The following NEXMIF variants were observed in gnomAD, a reference collection of about 807,000 sequenced individuals.
NEXMIF encodes the protein neurite extension and migration factor, also known as XLMR protein related to neurite extension.
In NEXMIF, 8 loss-of-function variants were observed where a neutral mutation model predicts 62.1. The ratio of observed to expected loss-of-function variants is 0.13; its 90% CI spans 0.08 to 0.23. The LOEUF (loss-of-function observed/expected upper bound fraction) is 0.23. NEXMIF is among the 10% of genes least tolerant of loss of function. The probability of loss-of-function intolerance (pLI) is 1.00; values close to 1 mark genes in which losing one functional copy is unlikely to be tolerated. For missense variants in NEXMIF, 976 were observed against 1,113.3 expected, an observed-to-expected ratio of 0.88 and a Z score of 1.75; for synonymous variants, 404 against 416.6, an observed-to-expected ratio of 0.97 and a Z score of 0.37.
chrX:74,864,082 T>G (rs1035474812), intron 1 of NEXMIF, among the ~76,000 whole-genome samples: 1 of 112,066 alleles, frequency 8.9e-6, no homozygotes, highest in African/African-American at 3.2e-5. Flanking sequence ...TTAAAAACTC[T>G]CAATAAACTA....
intron 1 of NEXMIF, among the ~76,000 whole-genome samples, chrX:74,786,149 C>T (rs2080259690): frequency 9.0e-6 from 1 of 111,692 alleles, no homozygotes; most frequent in Non-Finnish European, 1.9e-5. Flanking sequence ...GGGCAGGCAC[C>T]TGCCAGTGTA....
intron 1 of NEXMIF, among the ~76,000 whole-genome samples, chrX:74,900,121 C>T (rs1253599585): frequency 9.0e-6 from 1 of 111,140 alleles, no homozygotes; most frequent in Non-Finnish European, 1.9e-5. Context: ...GGGAAATGTA[C>T]ATCAAAACCA....
chrX:74,862,359 A>G (rs967654280), intron 1 of NEXMIF, among the ~76,000 whole-genome samples: 3 of 111,115 alleles, frequency 2.7e-5, no homozygotes, highest in African/African-American at 9.8e-5. Context: ...AGAGACCTAC[A>G]AAGAGACTTA....
intron 1 of NEXMIF, among the ~76,000 whole-genome samples, chrX:74,824,671 C>CA (rs1293782045): frequency 1.9e-5 from 2 of 104,301 alleles, no homozygotes; most frequent in African/African-American, 3.6e-5. Context: ...TTTTTTGAGA[C>CA]AGAGTCTCAC....
chrX:74,845,722 A>T (rs1411002003), intron 1 of NEXMIF, among the ~76,000 whole-genome samples: 2 of 111,428 alleles, frequency 1.8e-5, no homozygotes, highest in Non-Finnish European at 3.8e-5. Context: ...AACACTGACA[A>T]AAGTTGAGTC....
intron 1 of NEXMIF, among the ~76,000 whole-genome samples, chrX:74,822,990 A>C (rs997276459): frequency 3.6e-5 from 4 of 112,179 alleles, no homozygotes; most frequent in Non-Finnish European, 7.5e-5. Context: ...ATAATGTAGC[A>C]TACCCATACA....
intron 1 of NEXMIF, among the ~76,000 whole-genome samples, chrX:74,882,287 T>C (rs1210813170): frequency 1.8e-5 from 2 of 111,487 alleles, no homozygotes; most frequent in Admixed American, 9.5e-5. Flanking sequence ...TGGGGAGTGC[T>C]GGACAGTTGG....
At chrX:74,753,817 G>A (rs2080151245) in intron 1 of NEXMIF, among the ~76,000 whole-genome samples, 1 of 111,274 alleles carries the variant, frequency 9.0e-6, no homozygotes. Context: ...ATAAAGGACT[G>A]GAAGTTGGAA....
chrX:74,782,826 C>T (rs961652201), intron 1 of NEXMIF, among the ~76,000 whole-genome samples: 2 of 111,789 alleles, frequency 1.8e-5, no homozygotes, highest in African/African-American at 6.5e-5. Flanking sequence ...GCTATCTGGC[C>T]TGGGTAAGGG....
chrX:74,765,590 C>T (rs781516255), intron 1 of NEXMIF, among the ~76,000 whole-genome samples: 1 of 111,287 alleles, frequency 9.0e-6, no homozygotes, highest in Non-Finnish European at 1.9e-5. Flanking sequence ...ATTTAGTGCT[C>T]CTTTCAAGAT....
chrX:74,741,090 A>C lies in NEXMIF; in HGVS notation c.3467T>G (p.Leu1156Arg), dbSNP rs2080101398. 1.7e-6 allele frequency: 2 copies of C among 1,211,562 alleles called. No homozygotes were observed. Among genetic ancestry groups the C allele is most frequent in the African/African-American group, 3.5e-5 (2 of 57,745 alleles). Reference protein sequence around the residue: ...SVSLLQKNPCLSTFNDPSGQI... With the variant: ...SVSLLQKNPCRSTFNDPSGQI... ...ACCAGATGGATCATTAAATGTTGACAGGCAAGGGTTTTTTTGGAGCAGGCT... is the reference window on the plus strand; with the variant it reads ...ACCAGATGGATCATTAAATGTTGACCGGCAAGGGTTTTTTTGGAGCAGGCT... The change falls in exon 3 of 4, where the codon CTG becomes CGG. Residue 1156 changes from leucine to arginine, a missense_variant. By Grantham distance (102) the Leu-to-Arg change is moderately radical. This residue lies in a region of NEXMIF where 639 missense variants were observed against 694.5 expected (regional missense o/e 0.92). Transcript: ENST00000055682.
chrX:74,899,393 A>G (rs1016645914), intron 1 of NEXMIF, among the ~76,000 whole-genome samples: 1 of 112,011 alleles, frequency 8.9e-6, no homozygotes, highest in African/African-American at 3.2e-5. Flanking sequence ...GCAGGACACA[A>G]AATCAACATA....
chrX:74,794,624 C>T lies in NEXMIF; in HGVS notation c.-47-48927G>A, dbSNP rs1056318895. On this transcript the variant is annotated intron_variant, in intron 1 of 3. Coordinates refer to ENST00000055682, the MANE Select transcript of NEXMIF (RefSeq NM_001008537.3). ...CTCGGACTGCTGTGCTAGCAATCAG[C>T]GAGACTCTGTGGGCATAGGACCCTC... 7.1e-5 allele frequency among the ~76,000 whole-genome samples: 8 copies of T among 112,007 alleles called. No individual in the cohort carries two copies. In the East Asian group the frequency reaches 1.1e-3, roughly 16 times the overall value.
rs762062933 is a variant in NEXMIF at position 74,737,092 on chromosome X, C to T, written c.*2313G>A. 8.9e-6 allele frequency: 1 copy of T among 112,034 alleles called. No homozygotes were observed. Among genetic ancestry groups the T allele is most frequent in the South Asian group, 3.7e-4 (1 of 2,673 alleles). The allele number at this position is 112,034 out of a possible 1,213,427, so 9.2% of individuals were successfully genotyped here. On this transcript the variant is annotated 3_prime_UTR_variant, in exon 4 of 4. Transcript: ENST00000055682. ...ATAAAAACACATTGTATTAATGGAA[C>T]ATTTTCTTTATTTTTTCATTAATTG...
At chrX:74,769,418 A>G (rs961507300) in intron 1 of NEXMIF, among the ~76,000 whole-genome samples, 1 of 111,931 alleles carries the variant, frequency 8.9e-6, no homozygotes, top group Non-Finnish European at 1.9e-5. Context: ...CATGCAATGA[A>G]CCTGCTACAG....
intron 1 of NEXMIF, among the ~76,000 whole-genome samples, chrX:74,803,281 G>A (rs1400097581): frequency 5.4e-5 from 6 of 111,919 alleles, no homozygotes; most frequent in East Asian, 2.8e-4. Context: ...ACTGTGGGCC[G>A]GGCTCACGCC....
chrX:74,873,589 T>C (rs1359027277), intron 1 of NEXMIF, among the ~76,000 whole-genome samples: 7 of 111,869 alleles, frequency 6.3e-5, no homozygotes, highest in Non-Finnish European at 1.3e-4. Context: ...ATGGTTGAAC[T>C]AGTTTACAGT....
intron 1 of NEXMIF, among the ~76,000 whole-genome samples, chrX:74,889,562 T>A (rs1391595364): frequency 5.4e-5 from 6 of 111,180 alleles, no homozygotes; most frequent in Non-Finnish European, 9.4e-5. Flanking sequence ...GTCACTAAGG[T>A]GGTTTCTAAG....
chrX:74,852,774 C>A (rs1025679381), intron 1 of NEXMIF, among the ~76,000 whole-genome samples: 3 of 110,659 alleles, frequency 2.7e-5, no homozygotes, highest in African/African-American at 9.9e-5. Context: ...CGCAAGACAC[C>A]AAAACTTACA....
Sources: gnomAD v4.1 joint callset for allele counts (sites outside exome capture counted in the v4.1 genomes callset) on GRCh38, gnomAD v4.1.1 for gene constraint, gnomAD v4.1.1 regional missense constraint, MANE v1.5 for transcripts, NCBI Gene and HGNC (gene_info 2026-07-23, HGNC 2026-07-21) for gene names.